The following HARS1 variants were observed in gnomAD, a reference collection of about 807,000 sequenced individuals.
The protein encoded by HARS1 is histidyl-tRNA synthetase 1.
In HARS1, 45 loss-of-function variants were observed where a neutral mutation model predicts 63.6. The ratio of observed to expected loss-of-function variants is 0.71; its 90% confidence interval spans 0.56 to 0.91. HARS1 has a LOEUF of 0.91. Ranked by LOEUF, HARS1 falls within the 40% of genes least tolerant of loss-of-function variation. The pLI, the probability that HARS1 is intolerant of heterozygous loss-of-function variation, is 0.00. For synonymous variants in HARS1, 205 were observed against 247.1 expected, an observed-to-expected ratio of 0.83 and a Z score of 1.60; for missense variants, 508 against 643.2, an observed-to-expected ratio of 0.79 and a Z score of 2.27.
At position 140,678,011 on chromosome 5, in the gene HARS1, A is replaced by G. The variant is rs745780898; in HGVS notation, c.527T>C (p.Phe176Ser). Residue 176 changes from phenylalanine to serine, a missense_variant, in exon 6 of 13, where the codon TTT becomes TCT. This residue lies in a region of HARS1 where 403 missense variants were observed against 548.7 expected (regional missense o/e 0.73). Transcript: ENST00000504156. ...GGGATCAAAGTTCCCAGCAATGTCA[A>G]AATCCTGCAGGGAGAGGGTTAGCCA... Reference protein sequence around the residue: ...GRYREFYQCDFDIAGNFDPMI... With the variant: ...GRYREFYQCDSDIAGNFDPMI... 11 of 1,581,516 alleles carry G rather than the reference A, an allele frequency of 7.0e-6. No homozygotes were observed. In the South Asian group the frequency reaches 1.2e-4, roughly 17 times the overall value.
rs1759413045 is a variant in HARS1 at position 140,691,257 on chromosome 5, C to T, written c.48G>A (p.Glu16=). Residue 16 remains glutamate, a synonymous_variant, in exon 1 of 13, where the codon GAG becomes GAA. Transcript: ENST00000504156. Reference sequence around the variant, plus strand: ...TCTGCTGCTTGAGGCCTCGCACGCGCTCTCCCTGAAGTTTCACCAGCTCCT... The same window carrying T: ...TCTGCTGCTTGAGGCCTCGCACGCGTTCTCCCTGAAGTTTCACCAGCTCCT... ...ALEELVKLQG[E]RVRGLKQQKA... 6.2e-7 allele frequency: 1 copy of T among 1,608,690 alleles called. No homozygotes were observed. Among genetic ancestry groups the T allele is most frequent in the African/African-American group, 1.3e-5 (1 of 74,880 alleles).
chr5:140,690,383 C>A (rs1178136740), intron 2 of HARS1, among the ~76,000 whole-genome samples: 1 of 152,046 alleles, frequency 6.6e-6, no homozygotes, highest in Non-Finnish European at 1.5e-5. Context: ...ACCCAGGAGG[C>A]AGCGGCTGCA....
At chr5:140,677,573 C>G in intron 7 of HARS1, 82 bp downstream of exon 7, 5 of 1,102,772 alleles carry the variant, frequency 4.5e-6, no homozygotes, top group Non-Finnish European at 5.6e-6. Flanking sequence ...GAGGCATGCA[C>G]CTCTCTCTCT....
intron 10 of HARS1, 48 bp from the exon 11 acceptor site, chr5:140,675,181 G>C (rs549585736): frequency 2.5e-6 from 3 of 1,178,954 alleles, no homozygotes; most frequent in Non-Finnish European, 3.8e-6. Context: ...CCTTCAAGGA[G>C]CAAACAAAGC....
Position 140,676,971 on chromosome 5 carries a change from G to A in HARS1, c.951+18C>T, listed in dbSNP as rs775714094. On this transcript the variant is annotated intron_variant, in intron 9 of 12. Coordinates refer to ENST00000504156, the MANE Select transcript of HARS1 (RefSeq NM_002109.6). This position sits in a 1 kb window ranked among gnomAD's most constrained non-coding sequence, Gnocchi z 4.1. Reference sequence around the variant, plus strand: ...AGCCCCAGAGCTCAGAAGGGATCCCGTCCCCAACTTGACTCACTTTGTCAT... The same window carrying A: ...AGCCCCAGAGCTCAGAAGGGATCCCATCCCCAACTTGACTCACTTTGTCAT... 3.4e-5 allele frequency: 55 copies of A among 1,614,072 alleles called. No individual in the cohort carries two copies. The highest frequency in any genetic ancestry group is 1.1e-4 in the South Asian group (10 of 91,086).
chr5:140,677,834 G>A, intron 6 of HARS1, 74 bp downstream of exon 6: 1 of 1,371,206 alleles, frequency 7.3e-7, no homozygotes, highest in Non-Finnish European at 1.0e-6. Context: ...TAGGCTACTG[G>A]TCCCTCTGCA....
At chr5:140,687,061 A>G (rs925790069) in intron 2 of HARS1, among the ~76,000 whole-genome samples, 1 of 152,244 alleles carries the variant, frequency 6.6e-6, no homozygotes, top group African/African-American at 2.4e-5. Context: ...TCAGTTGTTA[A>G]TTCAAATAAA....
intron 3 of HARS1, among the ~76,000 whole-genome samples, chr5:140,680,586 G>A (rs1027181558): frequency 2.0e-5 from 3 of 152,078 alleles, no homozygotes; most frequent in Admixed American, 6.5e-5. Flanking sequence ...GCTCACGCCT[G>A]TAATCCCAGC....
At chr5:140,686,676 C>A (rs1057001012) in intron 2 of HARS1, among the ~76,000 whole-genome samples, 1 of 151,728 alleles carries the variant, frequency 6.6e-6, no homozygotes, top group Non-Finnish European at 1.5e-5. Flanking sequence ...TCTCGGCTCA[C>A]CACAACCTCT....
intron 2 of HARS1, chr5:140,688,018 C>T (rs1329732629): frequency 2.0e-5 from 3 of 152,224 alleles, no homozygotes; most frequent in Non-Finnish European, 2.9e-5. Context: ...GCAGGACAAT[C>T]GCTTGAACCC....
At position 140,689,385 on chromosome 5, in the gene HARS1, CA is replaced by C. The variant is rs148921342; in HGVS notation, c.180+1469del. Among the ~76,000 whole-genome samples, 83 of 152,246 alleles carry C rather than the reference CA, an allele frequency of 5.5e-4. No homozygotes were observed. The East Asian group carries it at 0.015, about 27-fold the overall frequency. On this transcript the variant is annotated intron_variant, in intron 2 of 12. Transcript: ENST00000504156. ...TCTAGAGTGTTTATAATGCCTTAGA[CA>C]ATGTAAAGGCTATGTAAATAGTTGC...
chr5:140,689,854 A>G (rs765592556), intron 2 of HARS1, among the ~76,000 whole-genome samples: 2 of 152,196 alleles, frequency 1.3e-5, no homozygotes, highest in African/African-American at 2.4e-5. Flanking sequence ...GTGGAACTGA[A>G]CTGGAGGATG....
chr5:140,674,942 T>C, intron 11 of HARS1, 75 bp downstream of exon 11: 17 of 1,481,636 alleles, frequency 1.1e-5, no homozygotes, highest in Non-Finnish European at 1.6e-5. Flanking sequence ...GCAGGATCCA[T>C]TATGGGTGAG....
chr5:140,680,836 G>C (rs1358140806), intron 3 of HARS1, among the ~76,000 whole-genome samples: 1 of 147,714 alleles, frequency 6.8e-6, no homozygotes, highest in East Asian at 2.0e-4. Context: ...GTGAAACTCT[G>C]TCTCAAAAAA....
chr5:140,680,896 C>CTT (rs1209005938), intron 3 of HARS1, among the ~76,000 whole-genome samples: 3 of 138,818 alleles, frequency 2.2e-5, no homozygotes, highest in Admixed American at 7.3e-5. Flanking sequence ...GTATATAGCT[C>CTT]TTTTTTTTTT....
intron 7 of HARS1, 30 bp downstream of exon 7, chr5:140,677,625 G>C (rs1229051002): frequency 6.9e-7 from 1 of 1,452,716 alleles, no homozygotes; most frequent in Admixed American, 1.7e-5. Context: ...GTGGGATCTG[G>C]GAAAAGAAGT....
intron 3 of HARS1, among the ~76,000 whole-genome samples, chr5:140,680,242 GT>G (rs1706453970): frequency 6.6e-6 from 1 of 151,876 alleles, no homozygotes; most frequent in South Asian, 2.1e-4. Context: ...TGACTCCGGG[GT>G]TCAAGAGATT....
rs1053173778 is a variant in HARS1, at chr5:140,677,656, T to C, written c.728A>G (p.Lys243Arg). ...GAAGTCAAGTACTTGGGTTGTTACC[T>C]TGTCCAGCTTGTCTACTGAGGAGCA... Reference protein sequence around the residue: ...TICSSVDKLDKVSWEEVKNEM... With the variant: ...TICSSVDKLDRVSWEEVKNEM... The change falls in exon 7 of 13, where the codon AAG becomes AGG. Residue 243 changes from lysine to arginine, a missense_variant and splice_region_variant. Physicochemically the swap from Lys to Arg is conservative, Grantham distance 26. This residue lies in a region of HARS1 where 403 missense variants were observed against 548.7 expected (regional missense o/e 0.73). Coordinates refer to ENST00000504156, the MANE Select transcript of HARS1 (RefSeq NM_002109.6). 6.3e-6 allele frequency: 10 copies of C among 1,599,088 alleles called. No individual in the cohort carries two copies. In the Admixed American group the frequency reaches 8.4e-5, roughly 13 times the overall value.
chr5:140,683,010 C>A (rs997993318), intron 3 of HARS1, 90 bp downstream of exon 3: 1 of 1,245,426 alleles, frequency 8.0e-7, no homozygotes, highest in African/African-American at 1.5e-5. Context: ...AGGAGTGGGC[C>A]CTTTGGACCC....
Sources: allele counts gnomAD v4.1 joint callset (sites outside exome capture counted in the v4.1 genomes callset), GRCh38; gene constraint gnomAD v4.1.1; regional missense constraint gnomAD v4.1.1; non-coding constraint Gnocchi (gnomAD v3.1); transcripts MANE v1.5; gene names NCBI Gene and HGNC (gene_info 2026-07-23, HGNC 2026-07-21).